DPP10: variants seen among roughly 807,000 people sequenced by gnomAD.
DPP10 encodes the protein inactive dipeptidyl peptidase 10.
In DPP10, 33 loss-of-function variants were observed where a neutral mutation model predicts 120.9. That is an observed-to-expected ratio of 0.27 (90% CI 0.21 to 0.37). The LOEUF is 0.37. Ranked by LOEUF, DPP10 falls within the 10% of genes least tolerant of loss-of-function variation. The pLI is 1.00. For missense variants in DPP10, 816 were observed against 942.8 expected, an observed-to-expected ratio of 0.87 and a Z score of 1.76; for synonymous variants, 337 against 326.1, an observed-to-expected ratio of 1.03 and a Z score of -0.36.
intron 1 of DPP10, among the ~76,000 whole-genome samples, chr2:114,742,315 T>A (rs1678141478): frequency 6.6e-6 from 1 of 151,154 alleles, no homozygotes; most frequent in African/African-American, 2.4e-5. Context: ...TGAAAAAAAA[T>A]TAAAAAGGAA....
intron 5 of DPP10, among the ~76,000 whole-genome samples, chr2:115,670,171 C>T (rs1210578064): frequency 6.6e-6 from 1 of 152,056 alleles, no homozygotes; most frequent in African/African-American, 2.4e-5. Flanking sequence ...CTAATCCCAT[C>T]ATAAGGGCTT....
intron 1 of DPP10, among the ~76,000 whole-genome samples, chr2:114,581,366 G>A (rs1030246328): frequency 1.3e-5 from 2 of 151,572 alleles, no homozygotes; most frequent in Non-Finnish European, 2.9e-5. Context: ...TGTATTTTTA[G>A]TAGAGATGGA....
At chr2:115,198,812 G>A (rs2055479794) in intron 1 of DPP10, among the ~76,000 whole-genome samples, 1 of 152,040 alleles carries the variant, frequency 6.6e-6, no homozygotes, top group Admixed American at 6.5e-5. Flanking sequence ...GTTAATAAAT[G>A]TATGTAGAAT....
intron 1 of DPP10, among the ~76,000 whole-genome samples, chr2:114,757,801 A>C (rs754044414): frequency 6.6e-6 from 1 of 152,234 alleles, no homozygotes; most frequent in South Asian, 2.1e-4. Context: ...AAGCGTTTCC[A>C]CGTGTTTCCG....
intron 1 of DPP10, among the ~76,000 whole-genome samples, chr2:115,160,451 TAAG>T (rs1334756884): frequency 3.3e-5 from 5 of 152,212 alleles, no homozygotes; most frequent in Admixed American, 3.3e-4. Flanking sequence ...GTCTTTCAGT[TAAG>T]AAGTGACTAA....
At chr2:115,830,899 A>T (rs1393276103) in intron 21 of DPP10, among the ~76,000 whole-genome samples, 1 of 152,138 alleles carries the variant, frequency 6.6e-6, no homozygotes, top group Non-Finnish European at 1.5e-5. Context: ...TTTGTTATGT[A>T]AAGTTTTGTA....
intron 1 of DPP10, among the ~76,000 whole-genome samples, chr2:114,804,420 T>C (rs1196276930): frequency 1.3e-5 from 2 of 152,034 alleles, no homozygotes; most frequent in African/African-American, 4.8e-5. Flanking sequence ...GAATGGTAGA[T>C]CCACCAACAG....
At chr2:115,019,435 C>G (rs1241276582) in intron 1 of DPP10, among the ~76,000 whole-genome samples, 2 of 151,908 alleles carry the variant, frequency 1.3e-5, no homozygotes, top group Non-Finnish European at 2.9e-5. Context: ...AGCTCAAAGA[C>G]AAGCCTTTTG....
At chr2:114,862,391 A>C (rs1004053724) in intron 1 of DPP10, among the ~76,000 whole-genome samples, 6 of 152,192 alleles carry the variant, frequency 3.9e-5, no homozygotes, top group Admixed American at 3.9e-4. Flanking sequence ...ATGTTAGAAC[A>C]GTGTGATCCA....
chr2:115,639,466 A>C (rs147120301), intron 5 of DPP10, among the ~76,000 whole-genome samples: 160 of 152,282 alleles, frequency 1.1e-3, no homozygotes, highest in African/African-American at 3.7e-3. Context: ...ACAGGAAACG[A>C]AGTCAGGTGC....
At chr2:115,522,489 C>T (rs564767370) in intron 4 of DPP10, among the ~76,000 whole-genome samples, 59 of 152,326 alleles carry the variant, frequency 3.9e-4, no homozygotes, top group Middle Eastern at 3.4e-3. Flanking sequence ...ACAAAACAGG[C>T]ACCACCAAAT....
At chr2:115,202,840 G>A (rs1366301773) in intron 1 of DPP10, among the ~76,000 whole-genome samples, 1 of 151,952 alleles carries the variant, frequency 6.6e-6, no homozygotes, top group Non-Finnish European at 1.5e-5. Context: ...CTTCCATATC[G>A]GCATAGTTTT....
chr2:115,517,631 A>G (rs1185289945), intron 4 of DPP10, among the ~76,000 whole-genome samples: 1 of 152,150 alleles, frequency 6.6e-6, no homozygotes, highest in Admixed American at 6.5e-5. Context: ...ATATTACCAT[A>G]TATTTATTGT....
At chr2:114,672,581 G>A (rs1160513037) in intron 1 of DPP10, among the ~76,000 whole-genome samples, 5 of 152,182 alleles carry the variant, frequency 3.3e-5, no homozygotes. Flanking sequence ...AAATGAGAAG[G>A]ATGTGATGCT....
chr2:115,401,968 G>A (rs950234963), intron 3 of DPP10, among the ~76,000 whole-genome samples: 13 of 151,988 alleles, frequency 8.6e-5, no homozygotes, highest in African/African-American at 1.7e-4. Flanking sequence ...GCAAAATGGC[G>A]GAGTAGGATT....
chr2:115,485,441 C>T (rs536846893), intron 3 of DPP10, among the ~76,000 whole-genome samples: 22 of 152,110 alleles, frequency 1.4e-4, no homozygotes, highest in Non-Finnish European at 2.6e-4. Flanking sequence ...ATTTTATATT[C>T]GTGCCCTTCA....
At chr2:114,609,659 G>C (rs1693122652) in intron 1 of DPP10, among the ~76,000 whole-genome samples, 1 of 152,118 alleles carries the variant, frequency 6.6e-6, no homozygotes, top group African/African-American at 2.4e-5. Context: ...ATGTGATAGG[G>C]AGGACAATGT....
chr2:115,347,700 G>A (rs1042847030), intron 3 of DPP10, among the ~76,000 whole-genome samples: 4 of 151,762 alleles, frequency 2.6e-5, no homozygotes, highest in Admixed American at 2.6e-4. Context: ...TTCTCATTGT[G>A]CAACTCCCAC....
At chr2:115,042,814 G>A (rs544068391) in intron 1 of DPP10, among the ~76,000 whole-genome samples, 3 of 152,204 alleles carry the variant, frequency 2.0e-5, no homozygotes, top group South Asian at 4.1e-4. Context: ...TTCCTTACTG[G>A]TAGCAGTATT....
Sources: allele counts gnomAD v4.1 joint callset (sites outside exome capture counted in the v4.1 genomes callset), GRCh38; gene constraint gnomAD v4.1.1; transcripts MANE v1.5; gene names NCBI Gene and HGNC (gene_info 2026-07-23, HGNC 2026-07-21).